The following TSPAN3 variants were observed in gnomAD, a reference collection of about 807,000 sequenced individuals.
TSPAN3 encodes tetraspanin 3, also known as tetraspanin-3.
TSPAN3 carries 9 observed loss-of-function variants against 31.1 expected under a neutral mutation model. That is an observed-to-expected ratio of 0.29 (90% confidence interval 0.17 to 0.50). The LOEUF is 0.50. Ranked by LOEUF, TSPAN3 falls within the 20% of genes least tolerant of loss-of-function variation. The pLI is 0.98. For missense variants in TSPAN3, 252 were observed against 313.5 expected (o/e 0.80, Z 1.48); for synonymous variants, 129 against 114.3 (o/e 1.13, Z -0.82).
chr15:77,066,329 T>C (rs1324840097), intron 1 of TSPAN3, among the ~76,000 whole-genome samples: 1 of 152,070 alleles, frequency 6.6e-6, no homozygotes, highest in Non-Finnish European at 1.5e-5. Context: ...CCTAGCACTT[T>C]GGGAGACCAA....
At position 77,054,292 on chromosome 15, in the gene TSPAN3, AAAG is replaced by A. The variant is rs1443079076; in HGVS notation, c.331-16_331-14del. 1 of 1,583,836 alleles carries A rather than the reference AAAG, an allele frequency of 6.3e-7. No individual in the cohort carries two copies. Among genetic ancestry groups the A allele is most frequent in the African/African-American group, 1.3e-5 (1 of 74,376 alleles). On this transcript the variant is annotated splice_polypyrimidine_tract_variant and intron_variant, in intron 3 of 6. Transcript: ENST00000267970. ...CCTCATTTTCCACCTGAATCAGAAC[AAAG>A]AATTCAGTCCCTCAAAAATACTAGT...
rs1441136303 is a variant in TSPAN3 at position 77,046,389 on chromosome 15, G to A, written c.*446C>T. On this transcript the variant is annotated 3_prime_UTR_variant, in exon 7 of 7. Transcript: ENST00000267970. The stretch of plus-strand genomic sequence containing the variant: ...TATTTTTTAAAAGGACACCAATGAG[G>A]GGCACCATCTGGTGTTAACCTTAAC... 2 of 402,588 alleles carry A rather than the reference G, an allele frequency of 5.0e-6. No homozygotes were observed. The highest frequency in any genetic ancestry group is 4.1e-5 in the African/African-American group (2 of 48,592). 24.9% of individuals were successfully genotyped at this position (402,588 alleles called of 1,614,324 possible).
chr15:77,070,574 G>C (rs1379414984), intron 1 of TSPAN3, among the ~76,000 whole-genome samples: 2 of 144,054 alleles, frequency 1.4e-5, no homozygotes, highest in Non-Finnish European at 3.2e-5. Flanking sequence ...CCGTCCAGCC[G>C]GCGACTCCGG....
chr15:77,059,239 C>T (rs1220222366), intron 1 of TSPAN3, among the ~76,000 whole-genome samples: 1 of 152,174 alleles, frequency 6.6e-6, no homozygotes, highest in African/African-American at 2.4e-5. Context: ...CCCGCCACTA[C>T]ACCTGGCTAA....
intron 1 of TSPAN3, among the ~76,000 whole-genome samples, chr15:77,061,956 T>G (rs1795750957): frequency 1.3e-5 from 2 of 152,056 alleles, no homozygotes. Flanking sequence ...ATTAGTAAAG[T>G]AGAAGTGACT....
Position 77,045,807 on chromosome 15 carries a change from C to T in TSPAN3, c.*1028G>A, listed in dbSNP as rs2076687190. The T allele has an allele frequency of 6.6e-6, 1 of 152,246 alleles. No homozygotes were observed. The highest frequency in any genetic ancestry group is 1.5e-5 in the Non-Finnish European group (1 of 68,052). The allele number at this position is 152,246 out of a possible 1,614,324, so 9.4% of individuals were successfully genotyped here. On this transcript the variant is annotated 3_prime_UTR_variant, in exon 7 of 7. Transcript: ENST00000267970. ...CTTGAAGACAAGGACAGTATCGCCACTGTATCCCCAGTGCATTGCACAAAG... is the reference window on the plus strand; with the variant it reads ...CTTGAAGACAAGGACAGTATCGCCATTGTATCCCCAGTGCATTGCACAAAG...
At chr15:77,067,534 T>C (rs1440309962) in intron 1 of TSPAN3, 2 of 152,180 alleles carry the variant, frequency 1.3e-5, no homozygotes, top group African/African-American at 2.4e-5. Context: ...CAATGCAACA[T>C]AGTTTTTATT....
intron 6 of TSPAN3, among the ~76,000 whole-genome samples, chr15:77,047,357 G>A (rs957577332): frequency 1.3e-5 from 2 of 152,214 alleles, no homozygotes; most frequent in Non-Finnish European, 2.9e-5. Context: ...CATGTGGCTA[G>A]TGGCTACCAT....
intron 1 of TSPAN3, among the ~76,000 whole-genome samples, chr15:77,066,101 G>T (rs944403943): frequency 7.2e-5 from 11 of 152,100 alleles, no homozygotes; most frequent in African/African-American, 2.2e-4. Context: ...TATAACATAG[G>T]ACTTGATTAA....
At chr15:77,047,248 ACT>A (rs1304743422) in intron 6 of TSPAN3, among the ~76,000 whole-genome samples, 6 of 152,240 alleles carry the variant, frequency 3.9e-5, no homozygotes, top group Non-Finnish European at 7.3e-5. Context: ...CCACATATGC[ACT>A]GTCATGTGGC....
Position 77,046,856 on chromosome 15 carries a change from G to T in TSPAN3, c.741C>A (p.Ile247=). Residue 247 remains isoleucine, a synonymous_variant, in exon 7 of 7, where the codon ATC becomes ATA. Coordinates refer to ENST00000267970, the MANE Select transcript of TSPAN3 (RefSeq NM_005724.6). ...RSRDPAYELL[I]TGGTYA Reference sequence around the variant, plus strand: ...TCAACTATGCATAGGTTCCGCCAGTGATGAGGAGCTCGTAAGCAGGATCTC... The same window carrying T: ...TCAACTATGCATAGGTTCCGCCAGTTATGAGGAGCTCGTAAGCAGGATCTC... 6.3e-7 allele frequency: 1 copy of T among 1,593,442 alleles called. No individual in the cohort carries two copies. The highest frequency in any genetic ancestry group is 1.1e-5 in the South Asian group (1 of 88,358).
intron 1 of TSPAN3, among the ~76,000 whole-genome samples, chr15:77,062,319 C>T (rs1488506296): frequency 6.6e-6 from 1 of 152,128 alleles, no homozygotes; most frequent in Non-Finnish European, 1.5e-5. Context: ...ATGCTTTCAC[C>T]TCTGACTTAA....
In TSPAN3 at chr15:77,052,418, C is replaced by G. The variant is rs766113453; in HGVS notation, c.636G>C (p.Val212=). The G allele has an allele frequency of 6.2e-7, 1 of 1,614,230 alleles. No homozygotes were observed. Among genetic ancestry groups the G allele is most frequent in the Non-Finnish European group, 8.5e-7 (1 of 1,180,036 alleles). ...VKKLQEIMMH[V]IWAALAFAAI... ...CTGCAAATGCCAGTGCGGCCCAGAT[C>G]ACATGCATCATGATTTCTTGTAGCT... Residue 212 remains valine (V), a synonymous_variant, in exon 6 of 7, where the codon GTG becomes GTC. Transcript: ENST00000267970.
chr15:77,048,593 C>T (rs2076708846), intron 6 of TSPAN3, among the ~76,000 whole-genome samples: 1 of 152,148 alleles, frequency 6.6e-6, no homozygotes, highest in African/African-American at 2.4e-5. Flanking sequence ...CTTATCCTCA[C>T]CATTAACTAT....
At chr15:77,067,770 G>C (rs1039833639) in intron 1 of TSPAN3, 4 of 152,162 alleles carry the variant, frequency 2.6e-5, no homozygotes, top group Non-Finnish European at 5.9e-5. Flanking sequence ...ACCAAACAAA[G>C]TGTCATGTAA....
intron 6 of TSPAN3, among the ~76,000 whole-genome samples, chr15:77,050,699 G>A (rs1455236690): frequency 1.3e-5 from 2 of 152,158 alleles, no homozygotes; most frequent in Non-Finnish European, 2.9e-5. Context: ...TTCTATTTGG[G>A]AAAAGAGACC....
chr15:77,070,305 G>T (rs1188076900), intron 1 of TSPAN3, among the ~76,000 whole-genome samples: 1 of 152,162 alleles, frequency 6.6e-6, no homozygotes, highest in Admixed American at 6.5e-5. Flanking sequence ...CAAATAGACC[G>T]ATGTTCTTGG....
Position 77,044,116 on chromosome 15 carries a change from T to C in TSPAN3, c.*2719A>G, listed in dbSNP as rs1267459457. On this transcript the variant is annotated 3_prime_UTR_variant, in exon 7 of 7. Transcript: ENST00000267970. ...CTTTTTTAAAAGAGGCCATACAATA[T>C]AGCAGTGGTCCTCAACCAGGGCTGT... 3 of 152,192 alleles carry C rather than the reference T, an allele frequency of 2.0e-5. No homozygotes were observed. The highest frequency in any genetic ancestry group is 1.9e-4 in the East Asian group (1 of 5,194). 9.4% of individuals were successfully genotyped at this position (152,192 alleles called of 1,614,324 possible).
At chr15:77,050,302 A>C (rs1462752602) in intron 6 of TSPAN3, among the ~76,000 whole-genome samples, 2 of 152,138 alleles carry the variant, frequency 1.3e-5, no homozygotes, top group Non-Finnish European at 2.9e-5. Flanking sequence ...AATTTTCAAA[A>C]CCACTAGGTT....
Sources: gnomAD v4.1 joint callset for allele counts (sites outside exome capture counted in the v4.1 genomes callset) on GRCh38, gnomAD v4.1.1 for gene constraint, MANE v1.5 for transcripts, NCBI Gene and HGNC (gene_info 2026-07-23, HGNC 2026-07-21) for gene names.